Variants in PTPRD observed in about 807,000 individuals in gnomAD.
PTPRD encodes protein tyrosine phosphatase receptor type D, also known as receptor-type tyrosine-protein phosphatase delta.
A neutral mutation model predicts 214.5 loss-of-function variants in PTPRD; 34 were observed. The observed-to-expected ratio is 0.16, with a 90% CI of 0.12 to 0.21. PTPRD has a LOEUF of 0.21. PTPRD is among the 10% of genes least tolerant of loss of function. PTPRD has a pLI of 1.00. For missense variants in PTPRD, 2,545 were observed against 2,398.7 expected (o/e 1.06, Z -1.27); for synonymous variants, 1,128 against 845.7 (o/e 1.33, Z -5.79).
intron 39 of PTPRD, among the ~76,000 whole-genome samples, chr9:8,358,720 A>G (rs919289036): frequency 6.6e-5 from 10 of 152,138 alleles, no homozygotes; most frequent in Admixed American, 1.3e-4. Context: ...TAGATATGCA[A>G]CCTTCCTATT....
intron 9 of PTPRD, among the ~76,000 whole-genome samples, chr9:9,332,682 C>A (rs1267786888): frequency 6.6e-6 from 1 of 151,178 alleles, no homozygotes; most frequent in Non-Finnish European, 1.5e-5. Flanking sequence ...AGCTCTTGAA[C>A]TTTGAAGTAA....
intron 11 of PTPRD, among the ~76,000 whole-genome samples, chr9:8,829,107 T>C (rs1197769730): frequency 6.6e-6 from 1 of 152,232 alleles, no homozygotes; most frequent in African/African-American, 2.4e-5. Flanking sequence ...TAAATTATTT[T>C]ATTTTTATAA....
At chr9:9,209,591 G>C (rs1569562404) in intron 9 of PTPRD, among the ~76,000 whole-genome samples, 1 of 152,106 alleles carries the variant, frequency 6.6e-6, no homozygotes, top group Non-Finnish European at 1.5e-5. Context: ...ATGATGTCTG[G>C]AATTTGCTTC....
At chr9:10,343,866 C>T (rs1407897200) in intron 2 of PTPRD, among the ~76,000 whole-genome samples, 1 of 147,828 alleles carries the variant, frequency 6.8e-6, no homozygotes, top group Non-Finnish European at 1.5e-5. Context: ...TCTTCGTTTT[C>T]TTGTAAATTT....
At chr9:9,335,884 T>G (rs1410783450) in intron 9 of PTPRD, among the ~76,000 whole-genome samples, 1 of 152,022 alleles carries the variant, frequency 6.6e-6, no homozygotes, top group Non-Finnish European at 1.5e-5. Context: ...ATGTAACATG[T>G]TCAAATACAC....
intron 12 of PTPRD, among the ~76,000 whole-genome samples, chr9:8,719,186 T>A (rs1275852074): frequency 6.6e-6 from 1 of 152,200 alleles, no homozygotes; most frequent in Non-Finnish European, 1.5e-5. Flanking sequence ...AAACTATCCC[T>A]CAGCTGATAA....
chr9:10,358,164 T>C (rs537381679), intron 2 of PTPRD, among the ~76,000 whole-genome samples: 71 of 152,220 alleles, frequency 4.7e-4, no homozygotes, highest in African/African-American at 1.6e-3. Flanking sequence ...TATGTACATA[T>C]ATTATGTATC....
intron 8 of PTPRD, among the ~76,000 whole-genome samples, chr9:9,466,123 C>T (rs1294974935): frequency 1.3e-5 from 2 of 151,968 alleles, no homozygotes; most frequent in Non-Finnish European, 1.5e-5. Context: ...GCCTGGCCAA[C>T]ATGGCAAAAC....
rs573334069 is a variant in PTPRD, at chr9:8,454,541, C to G, written c.3876-4704G>C. ...CTGAAGTCTACCAGTTTATTTTTTT[C>G]TTACTGAACATTAAAGGGGTTTGTT... On this transcript the variant is annotated intron_variant, in intron 33 of 45. Coordinates refer to ENST00000381196, the MANE Select transcript of PTPRD (RefSeq NM_002839.4). 2.0e-5 allele frequency: 32 copies of G among 1,609,912 alleles called. No individual in the cohort carries two copies. In the East Asian group the frequency reaches 7.1e-4, roughly 36 times the overall value.
intron 7 of PTPRD, among the ~76,000 whole-genome samples, chr9:9,691,236 A>G (rs1026875164): frequency 1.3e-5 from 2 of 151,680 alleles, no homozygotes; most frequent in Non-Finnish European, 3.0e-5. Context: ...ACCAGATCTT[A>G]TTTGTTCTAT....
intron 9 of PTPRD, among the ~76,000 whole-genome samples, chr9:9,197,878 CA>C (rs376779537): frequency 9.9e-5 from 15 of 152,196 alleles, no homozygotes; most frequent in African/African-American, 3.6e-4. Context: ...CCAGTCCACA[CA>C]AGCTTCAGGA....
intron 3 of PTPRD, among the ~76,000 whole-genome samples, chr9:10,330,568 T>A (rs1217842984): frequency 6.6e-6 from 1 of 151,904 alleles, no homozygotes; most frequent in African/African-American, 2.4e-5. Context: ...CTGCCTGTGC[T>A]ATATTTTATT....
chr9:10,516,678 T>C (rs1255024482), intron 2 of PTPRD, among the ~76,000 whole-genome samples: 3 of 152,006 alleles, frequency 2.0e-5, no homozygotes, highest in South Asian at 2.1e-4. Flanking sequence ...TTACTCTGTG[T>C]TTTCTTTTAG....
intron 3 of PTPRD, among the ~76,000 whole-genome samples, chr9:10,326,511 T>C (rs1244425275): frequency 6.6e-6 from 1 of 151,618 alleles, no homozygotes; most frequent in Non-Finnish European, 1.5e-5. Context: ...TATTTGTTTG[T>C]TGTTGTTGTT....
chr9:9,322,696 T>G (rs1046236720), intron 9 of PTPRD, among the ~76,000 whole-genome samples: 7 of 152,160 alleles, frequency 4.6e-5, no homozygotes, highest in Non-Finnish European at 4.4e-5. Flanking sequence ...CTCTAGATCC[T>G]TGGTATGAGG....
chr9:10,089,213 A>G (rs2098400184), intron 3 of PTPRD, among the ~76,000 whole-genome samples: 1 of 150,132 alleles, frequency 6.7e-6, no homozygotes, highest in African/African-American at 2.4e-5. Context: ...CTCAAAATAA[A>G]TAAATAAATA....
chr9:10,233,931 G>A (rs767289065), intron 3 of PTPRD, among the ~76,000 whole-genome samples: 1 of 151,824 alleles, frequency 6.6e-6, no homozygotes, highest in African/African-American at 2.4e-5. Flanking sequence ...GTGCCCATGT[G>A]CATTCTTCTA....
chr9:9,949,160 C>A (rs534026909), intron 4 of PTPRD, among the ~76,000 whole-genome samples: 2 of 152,146 alleles, frequency 1.3e-5, no homozygotes, highest in South Asian at 2.1e-4. Context: ...CCTCCATGAT[C>A]TGTAGAAAAT....
rs1332981854 is a variant in PTPRD at position 8,713,706 on chromosome 9, C to A, written c.64+20074G>T. The A allele has an allele frequency of 2.7e-6, 4 of 1,508,630 alleles. No individual in the cohort carries two copies. The South Asian group carries it at 3.4e-5, about 13-fold the overall frequency. 93.5% of individuals were successfully genotyped at this position (1,508,630 alleles called of 1,614,324 possible). A position where few individuals can be genotyped will look rare whatever the true frequency, so the allele number is the denominator to read the frequency against. On this transcript the variant is annotated intron_variant, in intron 12 of 45. Transcript: ENST00000381196. ...TTCAGATCATGATGGTGGAAGAGAT[C>A]GCGGCCAGCAAGTGACGCCGGCAGG... is the stretch of plus-strand genomic sequence containing the variant.
Sources: allele counts gnomAD v4.1 joint callset (sites outside exome capture counted in the v4.1 genomes callset), GRCh38; gene constraint gnomAD v4.1.1; transcripts MANE v1.5; gene names NCBI Gene and HGNC (gene_info 2026-07-23, HGNC 2026-07-21).